PTK2B: variants seen among roughly 807,000 people sequenced by gnomAD.
PTK2B encodes the protein protein tyrosine kinase 2 beta.
PTK2B carries 71 observed loss-of-function variants against 142.9 expected under a neutral mutation model. The observed-to-expected ratio is 0.50, with a 90% CI of 0.41 to 0.61. The LOEUF is 0.61. PTK2B is among the 20% of genes least tolerant of loss of function. PTK2B has a pLI of 0.00. For missense variants in PTK2B, 1,105 were observed against 1,320.4 expected (o/e 0.84, Z 2.53); for synonymous variants, 519 against 503.4 (o/e 1.03, Z -0.42).
intron 29 of PTK2B, 45 bp downstream of exon 29, chr8:27,454,336 G>A (rs372480783): frequency 4.7e-5 from 75 of 1,596,230 alleles, no homozygotes; most frequent in East Asian, 4.3e-4. Context: ...GCTCAAGTCC[G>A]CCCTGGAAGG....
chr8:27,379,823 C>T (rs551941921), intron 1 of PTK2B, among the ~76,000 whole-genome samples: 7 of 152,250 alleles, frequency 4.6e-5, no homozygotes, highest in African/African-American at 1.2e-4. Flanking sequence ...TCACTGCAAC[C>T]TCTGCCTCCT....
intron 22 of PTK2B, among the ~76,000 whole-genome samples, chr8:27,443,689 T>A (rs376211616): frequency 5.3e-5 from 8 of 152,210 alleles, no homozygotes; most frequent in Admixed American, 2.6e-4. Context: ...TGCTATCACA[T>A]TGGGGGTTCA....
intron 23 of PTK2B, 100 bp downstream of exon 23, chr8:27,444,371 G>T: frequency 2.2e-6 from 3 of 1,365,200 alleles, no homozygotes; most frequent in Non-Finnish European, 2.1e-6. Flanking sequence ...CACCCACTTG[G>T]GTGATGGAGA....
At chr8:27,341,325 C>T (rs1249425280) in intron 1 of PTK2B, among the ~76,000 whole-genome samples, 2 of 152,198 alleles carry the variant, frequency 1.3e-5, no homozygotes, top group Non-Finnish European at 2.9e-5. Context: ...TAGCAAATGT[C>T]AGGATACGGA....
At chr8:27,445,992 GA>G in intron 24 of PTK2B, 73 bp downstream of exon 24, 1 of 1,588,386 alleles carries the variant, frequency 6.3e-7, no homozygotes, top group Non-Finnish European at 8.6e-7. Flanking sequence ...GGGGACACTG[GA>G]AACCCCACGT....
In PTK2B at chr8:27,451,173, G is replaced by A. The variant is rs58203111; in HGVS notation, c.2523+95G>A. On this transcript the variant is annotated intron_variant, in intron 26 of 30. Transcript: ENST00000346049. ...CCGCCCAACTTGCTCCTACCCCCAG[G>A]CCTGCCCAGCTCCTCCTCAATGGCT... The A allele has an allele frequency of 1.1e-3, 1,505 of 1,404,270 alleles. 15 individuals are homozygous for A. The African/African-American group carries it at 0.019, about 18-fold the overall frequency. 87.0% of individuals were successfully genotyped at this position (1,404,270 alleles called of 1,614,324 possible). A position where few individuals can be genotyped will look rare whatever the true frequency, so the allele number is the denominator to read the frequency against.
upstream of PTK2B, among the ~76,000 whole-genome samples, chr8:27,323,670 C>G (rs1803276074): frequency 6.6e-6 from 1 of 152,102 alleles, no homozygotes; most frequent in Non-Finnish European, 1.5e-5. Context: ...AAATGCATGA[C>G]CTTGTCACCT....
chr8:27,435,206 G>T (rs1810695930), intron 13 of PTK2B, among the ~76,000 whole-genome samples: 1 of 152,210 alleles, frequency 6.6e-6, no homozygotes, highest in African/African-American at 2.4e-5. Flanking sequence ...CTCATTTGCA[G>T]ATAGCTATCC....
rs554728580 is a variant in PTK2B at position 27,386,862 on chromosome 8, T to TA, written c.-37-10679dup. On this transcript the variant is annotated intron_variant, in intron 1 of 30. Transcript: ENST00000346049. ...TAGACTTGGGTTTATACTTTCTAGTTAAAAAAAGTACCTGAGGTTTTTTTT... is the reference window on the plus strand; with the variant it reads ...TAGACTTGGGTTTATACTTTCTAGTTAAAAAAAAGTACCTGAGGTTTTTTTT... Among the ~76,000 whole-genome samples the TA allele has an allele frequency of 4.2e-4, 63 of 151,784 alleles. No individual in the cohort carries two copies. The South Asian group carries it at 0.01, about 25-fold the overall frequency.
intron 1 of PTK2B, among the ~76,000 whole-genome samples, chr8:27,332,981 T>C (rs57621320): frequency 0.038 from 5,781 of 152,314 alleles, 371 homozygotes; most frequent in African/African-American, 0.13. Context: ...AACTCTAAGT[T>C]ACTTAAAGGT....
intron 1 of PTK2B, among the ~76,000 whole-genome samples, chr8:27,326,160 T>A (rs1803402244): frequency 6.6e-6 from 1 of 152,040 alleles, no homozygotes; most frequent in Non-Finnish European, 1.5e-5. Context: ...TGAGAGGTCA[T>A]CTTCTGAATC....
intron 1 of PTK2B, among the ~76,000 whole-genome samples, chr8:27,346,606 C>T (rs904554585): frequency 1.2e-4 from 19 of 152,188 alleles, no homozygotes; most frequent in South Asian, 4.1e-4. Context: ...GAGGAAGTGA[C>T]GAGCAGTCTC....
At chr8:27,367,416 T>A (rs1001579025) in intron 1 of PTK2B, among the ~76,000 whole-genome samples, 1 of 152,156 alleles carries the variant, frequency 6.6e-6, no homozygotes, top group Non-Finnish European at 1.5e-5. Flanking sequence ...GTGCGGGGTG[T>A]CTGGGCTTGC....
rs1805817983 is a variant in PTK2B at position 27,363,172 on chromosome 8, T to C, written c.-37-34376T>C. On this transcript the variant is annotated intron_variant, in intron 1 of 30. Coordinates refer to ENST00000346049, the MANE Select transcript of PTK2B (RefSeq NM_173176.3). This position sits in a 1 kb window ranked among gnomAD's most constrained non-coding sequence, Gnocchi z 4.3. Reference sequence around the variant, plus strand: ...CTGTCAGGCCAGAGCACTTCTGTGGTCTTCAGCCCAGTTCTGAGGGCCCCT... The same window carrying C: ...CTGTCAGGCCAGAGCACTTCTGTGGCCTTCAGCCCAGTTCTGAGGGCCCCT... Among the ~76,000 whole-genome samples, 1 of 152,150 alleles carries C rather than the reference T, an allele frequency of 6.6e-6. No homozygotes were observed. Among genetic ancestry groups the C allele is most frequent in the African/African-American group, 2.4e-5 (1 of 41,438 alleles).
chr8:27,387,256 C>A (rs1807422262), intron 1 of PTK2B, among the ~76,000 whole-genome samples: 1 of 152,096 alleles, frequency 6.6e-6, no homozygotes, highest in Admixed American at 6.5e-5. Flanking sequence ...GGACCCCAGG[C>A]AAGCTGCTCA....
At chr8:27,313,737 T>C (rs1211006153) in intron 3 of PTK2B, among the ~76,000 whole-genome samples, 1 of 152,234 alleles carries the variant, frequency 6.6e-6, no homozygotes, top group Non-Finnish European at 1.5e-5. Flanking sequence ...TGTCTCTTAA[T>C]GTGCATGCCC....
intron 1 of PTK2B, among the ~76,000 whole-genome samples, chr8:27,326,226 ATGTG>A (rs4054914): frequency 0.068 from 9,996 of 146,322 alleles, 745 homozygotes; most frequent in African/African-American, 0.19. Flanking sequence ...GCTCGTGTGT[ATGTG>A]TGTGTGTGTG....
intron 1 of PTK2B, among the ~76,000 whole-genome samples, chr8:27,384,958 A>T (rs1045552504): frequency 1.2e-4 from 19 of 152,140 alleles, no homozygotes; most frequent in African/African-American, 4.6e-4. Context: ...CTTCTTAGGT[A>T]GGTCTGTACT....
chr8:27,398,107 C>T (rs1808175748), intron 2 of PTK2B, among the ~76,000 whole-genome samples: 1 of 152,228 alleles, frequency 6.6e-6, no homozygotes, highest in South Asian at 2.1e-4. Flanking sequence ...GACTTAAAAG[C>T]TGCTGTCCTC....
Sources: allele counts gnomAD v4.1 joint callset (sites outside exome capture counted in the v4.1 genomes callset), GRCh38; gene constraint gnomAD v4.1.1; non-coding constraint Gnocchi (gnomAD v3.1); transcripts MANE v1.5; gene names NCBI Gene and HGNC (gene_info 2026-07-23, HGNC 2026-07-21).